Variants in CYP2D6 observed in about 807,000 individuals in gnomAD.
CYP2D6 encodes cytochrome P450 family 2 subfamily D member 6 (gene/pseudogene).
In CYP2D6, 51 loss-of-function variants were observed where a neutral mutation model predicts 43.5. That is an observed-to-expected ratio of 1.17 (90% confidence interval 0.94 to 1.48). The LOEUF (loss-of-function observed/expected upper bound fraction) is 1.48, where lower values mean the gene tolerates loss of function less well. CYP2D6 is among the 40% of genes most tolerant of loss of function. The pLI is 0.00. For missense variants in CYP2D6, 698 were observed against 688.0 expected, an observed-to-expected ratio of 1.01 and a Z score of -0.16; for synonymous variants, 346 against 297.1, an observed-to-expected ratio of 1.16 and a Z score of -1.69.
At position 42,129,281 on chromosome 22, in the gene CYP2D6, G is replaced by A. The variant is rs1471630877; in HGVS notation, c.353-96C>T. The A allele has an allele frequency of 5.5e-6, 8 of 1,455,452 alleles. No homozygotes were observed. In the African/African-American group the frequency reaches 8.4e-5, roughly 15 times the overall value. 90.2% of individuals were successfully genotyped at this position (1,455,452 alleles called of 1,614,324 possible). On this transcript the variant is annotated intron_variant, in intron 2 of 8. Transcript: ENST00000645361. ...CCTATGCTCCCCCTGGTCTCCCGCA[G>A]TCCCTGGCTCTGTCCAGCTGGTCAC...
At position 42,129,741 on chromosome 22, in the gene CYP2D6, G is replaced by A. The variant is rs905048715; in HGVS notation, c.349C>T (p.Gln117Ter). 6.2e-7 allele frequency: 1 copy of A among 1,609,748 alleles called. No individual in the cohort carries two copies. Among genetic ancestry groups the A allele is most frequent in the African/African-American group, 1.3e-5 (1 of 74,380 alleles). The change falls in exon 2 of 9, where the codon CAA becomes TAA. Residue 117 changes from glutamine (Q) to a stop codon, truncating the protein, a stop_gained. Transcript: ENST00000645361. LOFTEE classifies it high-confidence loss of function. ...CTCTGTCCCCACCGCTGCTTGCCTT[G>A]GGAACGCGGCCCGAAACCCAGGATC... ...TQILGFGPRS[Q>*]GVFLARYGPA...
Position 42,130,700 on chromosome 22 carries a change from G to T in CYP2D6, c.92C>A (p.Ala31Glu), listed in dbSNP as rs765912784. The change falls in exon 1 of 9, where the codon GCA becomes GAA. Residue 31 changes from alanine (A) to glutamate (E), a missense_variant. Transcript: ENST00000645361. ...DLMHRRQRWA[A>E]RYPPGPLPLP... is the part of the protein sequence containing the mutation. ...TGGCAGGGGGCCTGGTGGGTAGCGT[G>T]CAGCCCAGCGTTGGCGCCGGTGCAT... The T allele has an allele frequency of 1.2e-6, 2 of 1,605,896 alleles. No individual in the cohort carries two copies. Among genetic ancestry groups the T allele is most frequent in the Non-Finnish European group, 8.5e-7 (1 of 1,175,852 alleles).
chr22:42,129,364 A>G (rs1260234557), intron 2 of CYP2D6, 179 bp from the exon 3 acceptor site: 61 of 946,728 alleles, frequency 6.4e-5, no homozygotes, highest in Non-Finnish European at 9.9e-5. Context: ...GCTTTGCCCC[A>G]CCTCGTCTCT....
rs768109211 is a variant in CYP2D6, at chr22:42,128,865, G to A, written c.585C>T (p.Phe195=). The A allele has an allele frequency of 6.2e-7, 1 of 1,602,976 alleles. No individual in the cohort carries two copies. Among genetic ancestry groups the A allele is most frequent in the Non-Finnish European group, 8.5e-7 (1 of 1,174,454 alleles). ...TGAGGAAGCGAGGGTCGTCGTACTC[G>A]AAGCGGCGCCCGCAGGTGAGGGAGG... The part of the protein sequence containing the change: ...VIASLTCGRR[F]EYDDPRFLRL... The change falls in exon 4 of 9, where the codon TTC becomes TTT. Residue 195 remains phenylalanine (F), a synonymous_variant. Transcript: ENST00000645361.
rs1931209794 is a variant in CYP2D6 at position 42,127,935 on chromosome 22, C to G, written c.892G>C (p.Val298Leu). The G allele has an allele frequency of 3.1e-6, 5 of 1,611,336 alleles. No individual in the cohort carries two copies. The highest frequency in any genetic ancestry group is 4.2e-6 in the Non-Finnish European group (5 of 1,178,260). ...SSFNDENLRI[V>L]VADLFSAGMV... ...CCGGCAGAGAACAGGTCAGCCACCACTATGCGCAGGTTCTCATCATTGAAG... is the reference window on the plus strand; with the variant it reads ...CCGGCAGAGAACAGGTCAGCCACCAGTATGCGCAGGTTCTCATCATTGAAG... Residue 298 changes from valine (V) to leucine (L), a missense_variant, in exon 6 of 9, where the codon GTG (valine) becomes CTG (leucine). Val to Leu is a conservative substitution (Grantham distance 32). Around this residue, in one of 5 missense-constraint regions of CYP2D6, gnomAD observed 588 missense variants for 521.1 expected, o/e 1.13. Coordinates refer to ENST00000645361, the MANE Select transcript of CYP2D6 (RefSeq NM_000106.6).
At chr22:42,128,500 C>CCT (rs745375479) in intron 4 of CYP2D6, 150 bp from the exon 5 acceptor site, 42 of 1,013,814 alleles carry the variant, frequency 4.1e-5, no homozygotes, top group African/African-American at 9.7e-5. Context: ...CAGCCTCCAC[C>CCT]CTCTCTCCTT....
intron 1 of CYP2D6, 149 bp from the exon 2 acceptor site, chr22:42,130,058 G>A (rs1373313075): frequency 1.6e-5 from 13 of 812,702 alleles, no homozygotes; most frequent in African/African-American, 1.3e-4. Context: ...TGGGGCGGGG[G>A]TGGGGGTCAC....
intron 2 of CYP2D6, 148 bp downstream of exon 2, chr22:42,129,590 C>T (rs1931685627): frequency 7.3e-6 from 8 of 1,092,282 alleles, no homozygotes; most frequent in East Asian, 2.5e-5. Context: ...CTCACACCTC[C>T]CTAGTGCAGG....
In CYP2D6 at chr22:42,128,794, A is replaced by G. The variant is rs371793722; in HGVS notation, c.656T>C (p.Phe219Ser). The change falls in exon 4 of 9, where the codon TTT becomes TCT. Residue 219 changes from phenylalanine (F) to serine (S), a missense_variant. Phe to Ser is a radical substitution (Grantham distance 155). This residue lies in a region of CYP2D6 where 588 missense variants were observed against 521.1 expected (regional missense o/e 1.13). Transcript: ENST00000645361. ...AQEGLKEESG[F>S]LREVLNAVPV... The stretch of plus-strand genomic sequence containing the variant: ...TCTCTCGCTCCGCACCTCGCGCAGA[A>G]AGCCCGACTCCTCCTTCAGTCCCTC... 180 of 1,606,822 alleles carry G rather than the reference A, an allele frequency of 1.1e-4. 6 individuals are homozygous for G. The highest frequency in any genetic ancestry group is 1.4e-4 in the Non-Finnish European group (168 of 1,176,174).
chr22:42,127,249 C>G (rs1464923575), intron 7 of CYP2D6, among the ~76,000 whole-genome samples, 198 bp downstream of exon 7: 1 of 151,628 alleles, frequency 6.6e-6, no homozygotes, highest in South Asian at 2.1e-4. Context: ...GTTTGTCTCC[C>G]CACTAGACGG....
At position 42,129,454 on chromosome 22, in the gene CYP2D6, G is replaced by T. The variant is rs565258066; in HGVS notation, c.353-269C>A. 1.8e-5 allele frequency: 13 copies of T among 732,274 alleles called. 1 individual carries two copies. Among genetic ancestry groups the T allele is most frequent in the South Asian group, 7.6e-5 (5 of 65,506 alleles). The allele number at this position is 732,274 out of a possible 1,614,324, so 45.4% of individuals were successfully genotyped here. A position where few individuals can be genotyped will look rare whatever the true frequency, so the allele number is the denominator to read the frequency against. ...CACACTGAGCTTACAGCACAGGTGC[G>T]GTCCCCGCCCCCCACTTCGACACCG... On this transcript the variant is annotated intron_variant, in intron 2 of 8. Coordinates refer to ENST00000645361, the MANE Select transcript of CYP2D6 (RefSeq NM_000106.6).
chr22:42,126,529 T>C lies in CYP2D6; in HGVS notation c.*45A>G. 1 of 1,514,842 alleles carries C rather than the reference T, an allele frequency of 6.6e-7. No homozygotes were observed. The highest frequency in any genetic ancestry group is 1.3e-5 in the South Asian group (1 of 77,024). The allele number at this position is 1,514,842 out of a possible 1,614,324, so 93.8% of individuals were successfully genotyped here. ...ACTACCACATTGCTTTATTGTACAT[T>C]AGAGCCTCTGGCTAGGGAGCAGGCT... On this transcript the variant is annotated 3_prime_UTR_variant, in exon 9 of 9. Transcript: ENST00000645361.
In CYP2D6 at chr22:42,128,245, G is replaced by C. The variant is rs1456870782; in HGVS notation, c.772C>G (p.His258Asp). Residue 258 changes from histidine to aspartate, a missense_variant, in exon 5 of 9, where the codon CAC (histidine) becomes GAC (aspartate). His to Asp is a moderately conservative substitution (Grantham distance 81, BLOSUM62 -1). Around this residue, in one of 5 missense-constraint regions of CYP2D6, gnomAD observed 588 missense variants for 521.1 expected, o/e 1.13. Coordinates refer to ENST00000645361, the MANE Select transcript of CYP2D6 (RefSeq NM_000106.6). ...TGGGCTGGGTCCCAGGTCATCCTGT[G>C]CTCAGTTAGCAGCTCATCCAGCTGG... ...LTQLDELLTE[H>D]RMTWDPAQPP... 2 of 1,610,572 alleles carry C rather than the reference G, an allele frequency of 1.2e-6. No homozygotes were observed. Among genetic ancestry groups the C allele is most frequent in the Admixed American group, 3.3e-5 (2 of 59,848 alleles).
Position 42,127,520 on chromosome 22 carries a change from C to T in CYP2D6, c.1100G>A (p.Gly367Glu). 6 of 1,611,906 alleles carry T rather than the reference C, an allele frequency of 3.7e-6. No individual in the cohort carries two copies. Among genetic ancestry groups the T allele is most frequent in the South Asian group, 1.1e-5 (1 of 90,960 alleles). The change falls in exon 7 of 9, where the codon GGG becomes GAG. Residue 367 changes from glycine to glutamate, a missense_variant. Physicochemically the swap from Gly to Glu is moderately conservative, Grantham distance 98. Coordinates refer to ENST00000645361, the MANE Select transcript of CYP2D6 (RefSeq NM_000106.6). ...GGTCACACCCAGGGGGACGATGTCC[C>T]CAAAGCGCTGCACCTCATGAATCAC... ...TAVIHEVQRF[G>E]DIVPLGVTHM... is the part of the protein sequence containing the mutation.
Position 42,129,768 on chromosome 22 carries a change from G to C in CYP2D6, c.322C>G (p.Gln108Glu). The stretch of plus-strand genomic sequence containing the variant: ...GAACGCGGCCCGAAACCCAGGATCT[G>C]GGTGATGGGCACAGGCGGGCGGTCG... ...TADRPPVPIT[Q>E]ILGFGPRSQG... The change falls in exon 2 of 9, where the codon CAG (glutamine) becomes GAG (glutamate). Residue 108 changes from glutamine to glutamate, a missense_variant. This residue lies in a region of CYP2D6 where 588 missense variants were observed against 521.1 expected (regional missense o/e 1.13). Coordinates refer to ENST00000645361, the MANE Select transcript of CYP2D6 (RefSeq NM_000106.6). 6.2e-7 allele frequency: 1 copy of C among 1,609,766 alleles called. No homozygotes were observed. The highest frequency in any genetic ancestry group is 1.1e-5 in the South Asian group (1 of 90,918).
At position 42,129,075 on chromosome 22, in the gene CYP2D6, C is replaced by G; in HGVS notation, c.463G>C (p.Glu155Gln). 6.2e-7 allele frequency: 1 copy of G among 1,609,100 alleles called. No individual in the cohort carries two copies. Among genetic ancestry groups the G allele is most frequent in the South Asian group, 1.1e-5 (1 of 90,646 alleles). ...GKKSLEQWVTEEAACLCAAFA... is the reference protein window; with the variant it reads ...GKKSLEQWVTQEAACLCAAFA... Reference sequence around the variant, plus strand: ...GCGGCACAAAGGCAGGCGGCCTCCTCGGTCACCCACTGCTCCAGCGACTTC... The same window carrying G: ...GCGGCACAAAGGCAGGCGGCCTCCTGGGTCACCCACTGCTCCAGCGACTTC... Residue 155 changes from glutamate (E) to glutamine (Q), a missense_variant, in exon 3 of 9, where the codon GAG becomes CAG. By Grantham distance (29) the Glu-to-Gln change is conservative. Around this residue, in one of 5 missense-constraint regions of CYP2D6, gnomAD observed 588 missense variants for 521.1 expected, o/e 1.13. Transcript: ENST00000645361.
In CYP2D6 at chr22:42,130,796, G is replaced by T. The variant is rs1171300983; in HGVS notation, c.-5C>A. On this transcript the variant is annotated 5_prime_UTR_variant, in exon 1 of 9. Transcript: ENST00000645361. Reference sequence around the variant, plus strand: ...CACCAGTGCTTCTAGCCCCATACCTGCCTCACTACCAAATGGGCTCCTCTG... The same window carrying T: ...CACCAGTGCTTCTAGCCCCATACCTTCCTCACTACCAAATGGGCTCCTCTG... 1 of 1,562,228 alleles carries T rather than the reference G, an allele frequency of 6.4e-7. No individual in the cohort carries two copies. The highest frequency in any genetic ancestry group is 1.9e-5 in the Admixed American group (1 of 52,824).
chr22:42,128,032 A>T (rs572793216), intron 5 of CYP2D6, 49 bp from the exon 6 acceptor site: 3 of 1,609,384 alleles, frequency 1.9e-6, no homozygotes, highest in South Asian at 2.2e-5. Context: ...TAGCCCCCAA[A>T]TGACCTCCAA....
At chr22:42,129,003 C>T (rs2146937927) in intron 3 of CYP2D6, 30 bp downstream of exon 3, 1 of 1,596,206 alleles carries the variant, frequency 6.3e-7, no homozygotes, top group Non-Finnish European at 8.5e-7. Context: ...TTCCCAGTTC[C>T]CGCTTTGTGC....
Sources: allele counts gnomAD v4.1 joint callset (sites outside exome capture counted in the v4.1 genomes callset), GRCh38; gene constraint gnomAD v4.1.1; regional missense constraint gnomAD v4.1.1; transcripts MANE v1.5; gene names NCBI Gene and HGNC (gene_info 2026-07-23, HGNC 2026-07-21).